Variants in PCDH17 observed in about 807,000 individuals in gnomAD.
The protein encoded by PCDH17 is protocadherin 17, also known as protocadherin-17.
PCDH17 carries 21 observed loss-of-function variants against 67.7 expected under a neutral mutation model. That is an observed-to-expected ratio of 0.31 (90% CI 0.22 to 0.45). PCDH17 has a LOEUF of 0.45. Among genes scored for constraint, PCDH17 ranks in the 20% least tolerant of loss-of-function variants. The pLI is 1.00. For synonymous variants in PCDH17, 701 were observed against 656.7 expected, an observed-to-expected ratio of 1.07 and a Z score of -1.03; for missense variants, 1,471 against 1,564.8, an observed-to-expected ratio of 0.94 and a Z score of 1.01.
intron 1 of PCDH17, among the ~76,000 whole-genome samples, chr13:57,654,606 G>GA (rs1463968237): frequency 1.3e-5 from 2 of 151,880 alleles, no homozygotes; most frequent in African/African-American, 2.4e-5. Flanking sequence ...TTTAAGCAAA[G>GA]AAAAAATTGG....
chr13:57,699,955 A>G (rs1955646952), intron 3 of PCDH17, among the ~76,000 whole-genome samples: 1 of 152,114 alleles, frequency 6.6e-6, no homozygotes. Context: ...TCCTTGCCTT[A>G]TGAGTAGGGA....
intron 1 of PCDH17, among the ~76,000 whole-genome samples, chr13:57,665,992 G>A (rs953884979): frequency 1.3e-5 from 2 of 152,212 alleles, no homozygotes; most frequent in African/African-American, 4.8e-5. Flanking sequence ...AAATTGGAAG[G>A]AAAGGCCCTG....
chr13:57,687,773 A>G (rs2138057248), intron 3 of PCDH17, among the ~76,000 whole-genome samples: 1 of 152,192 alleles, frequency 6.6e-6, no homozygotes, highest in Non-Finnish European at 1.5e-5. Context: ...TCCACACAAA[A>G]GGATGAATAA....
intron 1 of PCDH17, among the ~76,000 whole-genome samples, chr13:57,653,119 A>C (rs1252395922): frequency 6.6e-6 from 1 of 152,170 alleles, no homozygotes; most frequent in Non-Finnish European, 1.5e-5. Context: ...CAGGATTCTC[A>C]TGGATTTAAT....
intron 3 of PCDH17, among the ~76,000 whole-genome samples, chr13:57,699,363 C>T (rs897375427): frequency 2.6e-5 from 4 of 151,972 alleles, no homozygotes; most frequent in African/African-American, 7.2e-5. Flanking sequence ...TCCCAGCTAT[C>T]TTTATAATTT....
Position 57,727,521 on chromosome 13 carries a change from A to G in PCDH17, c.*2227A>G, listed in dbSNP as rs1047859971. The G allele has an allele frequency of 6.6e-6, 1 of 152,158 alleles. No homozygotes were observed. The highest frequency in any genetic ancestry group is 1.5e-5 in the Non-Finnish European group (1 of 68,000). The allele number at this position is 152,158 out of a possible 1,614,324, so 9.4% of individuals were successfully genotyped here. A position where few individuals can be genotyped will look rare whatever the true frequency, so the allele number is the denominator to read the frequency against. On this transcript the variant is annotated 3_prime_UTR_variant, in exon 4 of 4. Coordinates refer to ENST00000377918, the MANE Select transcript of PCDH17 (RefSeq NM_001040429.3). Reference sequence around the variant, plus strand: ...CGTTTGCAAAACTGCTTTGAGAGGGAAGAGTGGACAACTCCCATCAGCCTT... The same window carrying G: ...CGTTTGCAAAACTGCTTTGAGAGGGGAGAGTGGACAACTCCCATCAGCCTT...
chr13:57,654,279 A>G (rs1266848939), intron 1 of PCDH17, among the ~76,000 whole-genome samples: 1 of 152,112 alleles, frequency 6.6e-6, no homozygotes. Flanking sequence ...GAAGGCAGCC[A>G]TAGAAAACAT....
At position 57,634,687 on chromosome 13, in the gene PCDH17, C is replaced by T; in HGVS notation, c.2141C>T (p.Thr714Ile). Residue 714 changes from threonine to isoleucine, a missense_variant, in exon 1 of 4, where the codon ACT becomes ATT. Thr to Ile is a moderately conservative substitution (Grantham distance 89). Around this residue, in one of 3 missense-constraint regions of PCDH17, gnomAD observed 1,163 missense variants for 1,230.0 expected, o/e 0.95. Transcript: ENST00000377918. The surrounding 1 kb of genome is among the most constrained non-coding windows in gnomAD (Gnocchi z 7.8). ...CTGCCGCTCATCGTGACTCTGAGCA[C>T]TATCTCCATCATCCTCCTAGCGGCC... The part of the protein sequence containing the change: ...MSLPLIVTLS[T>I]ISIILLAAMI... The T allele has an allele frequency of 6.2e-7, 1 of 1,613,812 alleles. No individual in the cohort carries two copies. Among genetic ancestry groups the T allele is most frequent in the Non-Finnish European group, 8.5e-7 (1 of 1,180,014 alleles).
In PCDH17 at chr13:57,643,069, A is replaced by T. The variant is rs531114051; in HGVS notation, c.2565+7958A>T. On this transcript the variant is annotated intron_variant, in intron 1 of 3. Coordinates refer to ENST00000377918, the MANE Select transcript of PCDH17 (RefSeq NM_001040429.3). Reference sequence around the variant, plus strand: ...TATTTTAGCAGTGTATACTGAGATTATTTTAACTGAATACTTGATATATTT... The same window carrying T: ...TATTTTAGCAGTGTATACTGAGATTTTTTTAACTGAATACTTGATATATTT... Among the ~76,000 whole-genome samples, 3 of 151,704 alleles carry T rather than the reference A, an allele frequency of 2.0e-5. No individual in the cohort carries two copies. In the South Asian group the frequency reaches 6.2e-4, roughly 31 times the overall value.
At chr13:57,691,379 T>C (rs1955557001) in intron 3 of PCDH17, among the ~76,000 whole-genome samples, 1 of 151,202 alleles carries the variant, frequency 6.6e-6, no homozygotes, top group African/African-American at 2.4e-5. Flanking sequence ...CTGGGACAAA[T>C]ATTTCAGGAC....
At chr13:57,662,372 T>C (rs1955194296) in intron 1 of PCDH17, among the ~76,000 whole-genome samples, 1 of 152,210 alleles carries the variant, frequency 6.6e-6, no homozygotes, top group Non-Finnish European at 1.5e-5. Flanking sequence ...TGTCTTCCAA[T>C]CCATAAACAT....
intron 1 of PCDH17, among the ~76,000 whole-genome samples, chr13:57,643,654 T>C (rs1954930567): frequency 6.6e-6 from 1 of 151,650 alleles, no homozygotes; most frequent in Non-Finnish European, 1.5e-5. Flanking sequence ...CAGTTATAAG[T>C]CATACAAAAA....
At chr13:57,701,975 T>A (rs1955667870) in intron 3 of PCDH17, among the ~76,000 whole-genome samples, 9 of 152,032 alleles carry the variant, frequency 5.9e-5, no homozygotes, top group Admixed American at 5.2e-4. Flanking sequence ...TGGAGTGCAG[T>A]GGCATGATCT....
chr13:57,717,779 C>T (rs1955833573), intron 3 of PCDH17, among the ~76,000 whole-genome samples: 1 of 152,024 alleles, frequency 6.6e-6, no homozygotes, highest in Admixed American at 6.6e-5. Flanking sequence ...AATAGCACTT[C>T]ACAAAGTAAA....
At chr13:57,640,269 A>G (rs1954874234) in intron 1 of PCDH17, among the ~76,000 whole-genome samples, 1 of 152,018 alleles carries the variant, frequency 6.6e-6, no homozygotes, top group Admixed American at 6.6e-5. Context: ...TAAAGGGCAT[A>G]CATTAAGAAA....
At chr13:57,665,340 G>T in intron 1 of PCDH17, among the ~76,000 whole-genome samples, 1 of 150,390 alleles carries the variant, frequency 6.6e-6, no homozygotes, top group Non-Finnish European at 1.5e-5. Flanking sequence ...TTCAGTAATC[G>T]CTCACAAATT....
chr13:57,650,800 C>T (rs1955027036), intron 1 of PCDH17, among the ~76,000 whole-genome samples: 1 of 152,100 alleles, frequency 6.6e-6, no homozygotes, highest in Non-Finnish European at 1.5e-5. Flanking sequence ...TAATTTACTA[C>T]TCAGAGAAAA....
In PCDH17 at chr13:57,632,467, G is replaced by T. The variant is rs1180656438; in HGVS notation, c.-80G>T. 1 of 1,443,984 alleles carries T rather than the reference G, an allele frequency of 6.9e-7. No homozygotes were observed. Among genetic ancestry groups the T allele is most frequent in the Non-Finnish European group, 9.3e-7 (1 of 1,075,028 alleles). 89.4% of individuals were successfully genotyped at this position (1,443,984 alleles called of 1,614,324 possible). A position where few individuals can be genotyped will look rare whatever the true frequency, so the allele number is the denominator to read the frequency against. On this transcript the variant is annotated 5_prime_UTR_variant, in exon 1 of 4. Coordinates refer to ENST00000377918, the MANE Select transcript of PCDH17 (RefSeq NM_001040429.3). The stretch of plus-strand genomic sequence containing the variant: ...GGCTCGCGTCGCGCGCGCACGCTGC[G>T]CCAGGGCCCCAGGCTGGCGCGCACT...
chr13:57,716,865 G>A lies in PCDH17; in HGVS notation c.2798-7747G>A, dbSNP rs191317095. 1.2e-3 allele frequency among the ~76,000 whole-genome samples: 177 copies of A among 151,848 alleles called. 1 individual carries two copies. The highest frequency in any genetic ancestry group is 2.0e-3 in the Non-Finnish European group (138 of 67,908). On this transcript the variant is annotated intron_variant, in intron 3 of 3. Transcript: ENST00000377918. ...CTCCTTGAAAACTTTCAATTCCTAG[G>A]CAAGGTGTGGGGAGGTGTGTAATGC...
Sources: allele counts gnomAD v4.1 joint callset (sites outside exome capture counted in the v4.1 genomes callset), GRCh38; gene constraint gnomAD v4.1.1; regional missense constraint gnomAD v4.1.1; non-coding constraint Gnocchi (gnomAD v3.1); transcripts MANE v1.5; gene names NCBI Gene and HGNC (gene_info 2026-07-23, HGNC 2026-07-21).